The following CCSER1 variants were observed in gnomAD, a reference collection of about 807,000 sequenced individuals.
CCSER1 encodes serine-rich coiled-coil domain-containing protein 1.
A neutral mutation model predicts 82.0 loss-of-function variants in CCSER1; 41 were observed. The ratio of observed to expected loss-of-function variants is 0.50; its 90% CI spans 0.39 to 0.65. The LOEUF is 0.65. Ranked by LOEUF, CCSER1 falls within the 30% of genes least tolerant of loss-of-function variation. The pLI, the probability that CCSER1 is intolerant of heterozygous loss-of-function variation, is 0.00. For synonymous variants in CCSER1, 414 were observed against 383.9 expected (o/e 1.08, Z -0.92); for missense variants, 1,119 against 1,064.2 (o/e 1.05, Z -0.72).
chr4:90,350,567 C>T (rs1259804864), intron 3 of CCSER1, among the ~76,000 whole-genome samples: 2 of 151,980 alleles, frequency 1.3e-5, no homozygotes, highest in Admixed American at 1.3e-4. Flanking sequence ...TAAAAACCAA[C>T]AATTTAATTA....
intron 10 of CCSER1, among the ~76,000 whole-genome samples, chr4:91,401,497 C>A (rs1752328270): frequency 6.6e-6 from 1 of 151,814 alleles, no homozygotes; most frequent in Non-Finnish European, 1.5e-5. Flanking sequence ...GTGCTGCACC[C>A]ATTAACTCGT....
chr4:91,261,708 C>T (rs533439544), intron 10 of CCSER1, among the ~76,000 whole-genome samples: 53 of 141,738 alleles, frequency 3.7e-4, no homozygotes, highest in African/African-American at 1.4e-3. Context: ...CACTTCACCC[C>T]TCCACATGTA....
intron 10 of CCSER1, among the ~76,000 whole-genome samples, chr4:91,563,098 A>G (rs1162237470): frequency 6.6e-6 from 1 of 151,712 alleles, no homozygotes; most frequent in Non-Finnish European, 1.5e-5. Flanking sequence ...TTTAAGTTCT[A>G]CCAAACATTT....
intron 6 of CCSER1, among the ~76,000 whole-genome samples, chr4:90,698,476 C>A (rs1443486582): frequency 6.6e-6 from 1 of 152,146 alleles, no homozygotes; most frequent in Admixed American, 6.5e-5. Flanking sequence ...AGATGGGAAC[C>A]TGGGAATGAT....
chr4:91,193,255 C>A (rs1337562618), intron 10 of CCSER1, among the ~76,000 whole-genome samples: 3 of 152,160 alleles, frequency 2.0e-5, no homozygotes, highest in Non-Finnish European at 2.9e-5. Flanking sequence ...TTATAATCCA[C>A]AGCAAAAGTT....
chr4:90,971,841 T>C (rs959471591), intron 9 of CCSER1, among the ~76,000 whole-genome samples: 1 of 151,890 alleles, frequency 6.6e-6, no homozygotes, highest in African/African-American at 2.4e-5. Flanking sequence ...GTAAGGATGA[T>C]TCAATATATC....
rs1758333811 is a variant in CCSER1, at chr4:91,488,329, A to ACCC, written c.2218-110243_2218-110242insCCC. Reference sequence around the variant, plus strand: ...AATTATTCATGGATCCCTAAATATGAATTTTCTATAGCCAATCCAACTACC... The same window carrying ACCC: ...AATTATTCATGGATCCCTAAATATGACCCATTTTCTATAGCCAATCCAACTACC... On this transcript the variant is annotated intron_variant, in intron 10 of 10. Transcript: ENST00000509176. Among the ~76,000 whole-genome samples, 12 of 152,296 alleles carry ACCC rather than the reference A, an allele frequency of 7.9e-5. No individual in the cohort carries two copies. In the South Asian group the frequency reaches 1.2e-3, roughly 16 times the overall value.
Position 90,433,542 on chromosome 4 carries a change from T to G in CCSER1, c.1603+33413T>G, listed in dbSNP as rs552220061. On this transcript the variant is annotated intron_variant, in intron 4 of 10. Transcript: ENST00000509176. Reference sequence around the variant, plus strand: ...TTAAAAACCCTAATGTTTCCTTGTCTTTAGCATGATAATGACAGCAGTACC... The same window carrying G: ...TTAAAAACCCTAATGTTTCCTTGTCGTTAGCATGATAATGACAGCAGTACC... Among the ~76,000 whole-genome samples, 20 of 152,216 alleles carry G rather than the reference T, an allele frequency of 1.3e-4. No homozygotes were observed. The South Asian group carries it at 3.1e-3, about 24-fold the overall frequency.
At chr4:90,689,855 T>C (rs1236453176) in intron 6 of CCSER1, among the ~76,000 whole-genome samples, 2 of 152,030 alleles carry the variant, frequency 1.3e-5, no homozygotes, top group Admixed American at 1.3e-4. Flanking sequence ...GAAGTAAGGC[T>C]TTTATACTCC....
intron 10 of CCSER1, among the ~76,000 whole-genome samples, chr4:91,449,728 T>G (rs1159630560): frequency 6.6e-6 from 1 of 151,998 alleles, no homozygotes; most frequent in African/African-American, 2.4e-5. Context: ...TTTCGTTAAT[T>G]GTTTTGTATT....
Position 91,349,699 on chromosome 4 carries a change from G to A in CCSER1, c.2218-248873G>A, listed in dbSNP as rs546951984. Among the ~76,000 whole-genome samples the A allele has an allele frequency of 2.7e-5, 4 of 150,174 alleles. No homozygotes were observed. In the South Asian group the frequency reaches 8.3e-4, roughly 31 times the overall value. On this transcript the variant is annotated intron_variant, in intron 10 of 10. Coordinates refer to ENST00000509176, the MANE Select transcript of CCSER1 (RefSeq NM_001145065.2). The stretch of plus-strand genomic sequence containing the variant: ...TTCTCTTCCCCTGCTGGAAGCAAGA[G>A]AGTTTTTCTTTTTTTTTTTCCTCTC...
At chr4:90,924,336 T>C (rs1347222735) in intron 9 of CCSER1, among the ~76,000 whole-genome samples, 2 of 152,138 alleles carry the variant, frequency 1.3e-5, no homozygotes, top group African/African-American at 4.8e-5. Context: ...GATGCTACTT[T>C]TGTGTTGCCG....
chr4:91,419,000 A>G (rs1051575358), intron 10 of CCSER1, among the ~76,000 whole-genome samples: 1 of 152,026 alleles, frequency 6.6e-6, no homozygotes, highest in Non-Finnish European at 1.5e-5. Flanking sequence ...AAATCATATG[A>G]TCATCTCAAT....
chr4:90,747,963 A>C (rs58817164), intron 7 of CCSER1, among the ~76,000 whole-genome samples: 89,253 of 150,808 alleles, frequency 0.59, 26,550 homozygotes, highest in African/African-American at 0.66. Flanking sequence ...TCATCCATGT[A>C]CCTACAAAGA....
chr4:91,288,014 T>C (rs1743416842), intron 10 of CCSER1, among the ~76,000 whole-genome samples: 1 of 150,252 alleles, frequency 6.7e-6, no homozygotes, highest in Non-Finnish European at 1.5e-5. Context: ...TTTTCTTTGA[T>C]ATATAAACAA....
At chr4:91,360,879 A>G (rs761671716) in intron 10 of CCSER1, among the ~76,000 whole-genome samples, 4 of 151,782 alleles carry the variant, frequency 2.6e-5, no homozygotes, top group Non-Finnish European at 5.9e-5. Flanking sequence ...CAAATCAGTA[A>G]TAGGATGGAG....
intron 10 of CCSER1, among the ~76,000 whole-genome samples, chr4:91,393,558 G>A (rs772747745): frequency 1.4e-4 from 21 of 152,150 alleles, no homozygotes; most frequent in Non-Finnish European, 5.9e-5. Flanking sequence ...GAAGACAAAT[G>A]GATATTCGTT....
chr4:91,045,185 T>C (rs548809072), intron 9 of CCSER1, among the ~76,000 whole-genome samples: 1 of 152,322 alleles, frequency 6.6e-6, no homozygotes, highest in Non-Finnish European at 1.5e-5. Flanking sequence ...CACTTGTAAA[T>C]GCAGCAGTCA....
chr4:91,576,406 G>A (rs1418827055), intron 10 of CCSER1, among the ~76,000 whole-genome samples: 1 of 151,940 alleles, frequency 6.6e-6, no homozygotes, highest in Non-Finnish European at 1.5e-5. Flanking sequence ...CATTTCAGGA[G>A]CAGGTAAAAT....
Sources: allele counts gnomAD v4.1 joint callset (sites outside exome capture counted in the v4.1 genomes callset), GRCh38; gene constraint gnomAD v4.1.1; transcripts MANE v1.5; gene names NCBI Gene and HGNC (gene_info 2026-07-23, HGNC 2026-07-21).